Variants in TBL1X observed in about 807,000 individuals in gnomAD.
TBL1X encodes transducin beta like 1 X-linked.
In TBL1X, 10 loss-of-function variants were observed where a neutral mutation model predicts 50.7. That is an observed-to-expected ratio of 0.20 (90% CI 0.12 to 0.33). The LOEUF (loss-of-function observed/expected upper bound fraction) is 0.33. Ranked by LOEUF, TBL1X falls within the 10% of genes least tolerant of loss-of-function variation. TBL1X has a pLI of 1.00. For missense variants in TBL1X, 340 were observed against 504.4 expected (o/e 0.67, Z 3.12); for synonymous variants, 190 against 214.7 (o/e 0.88, Z 1.01).
rs190698888 is a variant in TBL1X, at chrX:9,666,511, T to A, written c.211+12189T>A. Among the ~76,000 whole-genome samples, 265 of 112,206 alleles carry A rather than the reference T, an allele frequency of 2.4e-3. 2 individuals are homozygous for A. Among genetic ancestry groups the A allele is most frequent in the African/African-American group, 8.1e-3 (251 of 30,865 alleles). ...TCTAATCTTTGAAAAATAAAGGCAA[T>A]TTAAAATATTATTGGTAAAGTAAAA... On this transcript the variant is annotated intron_variant, in intron 5 of 17. Coordinates refer to ENST00000645353, the MANE Select transcript of TBL1X (RefSeq NM_005647.4).
chrX:9,482,998 G>A (rs1273902443), intron 1 of TBL1X, among the ~76,000 whole-genome samples: 6 of 111,185 alleles, frequency 5.4e-5, no homozygotes, highest in Non-Finnish European at 1.1e-4. Flanking sequence ...CCCCTCAGGC[G>A]GTTACAGTTT....
intron 2 of TBL1X, among the ~76,000 whole-genome samples, chrX:9,531,705 G>T (rs1308074693): frequency 1.8e-5 from 2 of 109,041 alleles, no homozygotes; most frequent in Non-Finnish European, 3.8e-5. Flanking sequence ...AGGAGTTCGA[G>T]ACCAGCCTGG....
At chrX:9,475,471 C>A (rs945824439) in intron 1 of TBL1X, among the ~76,000 whole-genome samples, 1 of 109,991 alleles carries the variant, frequency 9.1e-6, no homozygotes, top group Non-Finnish European at 1.9e-5. Flanking sequence ...GTTTCGAACT[C>A]CTGACCTCAA....
At chrX:9,621,510 C>T (rs1411790358) in intron 2 of TBL1X, among the ~76,000 whole-genome samples, 1 of 111,737 alleles carries the variant, frequency 8.9e-6, no homozygotes, top group Non-Finnish European at 1.9e-5. Context: ...AGGAATTTTG[C>T]TTAACTTCTA....
chrX:9,474,285 AG>A (rs1457745033), intron 1 of TBL1X, among the ~76,000 whole-genome samples: 1 of 113,120 alleles, frequency 8.8e-6, no homozygotes, highest in Non-Finnish European at 1.9e-5. Flanking sequence ...ATATGATGAA[AG>A]AAACATTTAT....
intron 2 of TBL1X, among the ~76,000 whole-genome samples, chrX:9,527,610 CT>C (rs978884635): frequency 5.4e-5 from 6 of 111,365 alleles, no homozygotes; most frequent in African/African-American, 1.6e-4. Context: ...GTCGGCAAAC[CT>C]TTTGTTGTCA....
chrX:9,499,062 G>C (rs1186239848), intron 1 of TBL1X, among the ~76,000 whole-genome samples: 1 of 111,809 alleles, frequency 8.9e-6, no homozygotes, highest in Non-Finnish European at 1.9e-5. Context: ...CCCCTGTGGA[G>C]GCGCTCATGG....
chrX:9,510,265 G>C (rs1446723352), intron 2 of TBL1X, among the ~76,000 whole-genome samples: 1 of 111,665 alleles, frequency 9.0e-6, no homozygotes, highest in African/African-American at 3.3e-5. Flanking sequence ...GGACCGTAGG[G>C]TAGACAGATT....
At chrX:9,647,531 C>T (rs191513576) in intron 3 of TBL1X, among the ~76,000 whole-genome samples, 124 of 112,119 alleles carry the variant, frequency 1.1e-3, no homozygotes, top group African/African-American at 3.8e-3. Flanking sequence ...TCTCATCCCC[C>T]TCCTGTTTGG....
chrX:9,628,247 G>T (rs760314958), intron 2 of TBL1X, among the ~76,000 whole-genome samples: 1 of 111,668 alleles, frequency 9.0e-6, no homozygotes, highest in South Asian at 3.8e-4. Context: ...ATCTGTGGGA[G>T]GTCCTTCCTG....
At chrX:9,592,709 G>A (rs922401581) in intron 2 of TBL1X, among the ~76,000 whole-genome samples, 2 of 111,908 alleles carry the variant, frequency 1.8e-5, no homozygotes, top group African/African-American at 6.5e-5. Context: ...CCATAGAAGA[G>A]GAATCATATA....
chrX:9,591,622 G>C (rs761062121), intron 2 of TBL1X, among the ~76,000 whole-genome samples: 17 of 112,038 alleles, frequency 1.5e-4, no homozygotes, highest in African/African-American at 3.2e-4. Context: ...GTGCCCAGAG[G>C]GGGGAAGAGC....
chrX:9,628,485 A>T (rs2082703916), intron 2 of TBL1X, among the ~76,000 whole-genome samples: 1 of 112,524 alleles, frequency 8.9e-6, no homozygotes, highest in Non-Finnish European at 1.9e-5. Flanking sequence ...CCAAACTGAC[A>T]AGGCTAGTCT....
At chrX:9,599,131 A>G (rs1004982252) in intron 2 of TBL1X, among the ~76,000 whole-genome samples, 2 of 109,012 alleles carry the variant, frequency 1.8e-5, no homozygotes, top group African/African-American at 6.7e-5. Context: ...TTTAGTAGAG[A>G]CGGGGTTTCA....
At chrX:9,588,899 G>C (rs893256061) in intron 2 of TBL1X, among the ~76,000 whole-genome samples, 3 of 111,059 alleles carry the variant, frequency 2.7e-5, no homozygotes, top group Non-Finnish European at 5.7e-5. Flanking sequence ...CACTGCGCCC[G>C]TCCTCATTTT....
chrX:9,542,604 G>A (rs996602539), intron 2 of TBL1X, among the ~76,000 whole-genome samples: 2 of 111,350 alleles, frequency 1.8e-5, no homozygotes, highest in African/African-American at 6.6e-5. Context: ...GACTGGAGCA[G>A]GAGCGGGCAG....
chrX:9,696,080 A>C (rs1018000007), intron 11 of TBL1X, among the ~76,000 whole-genome samples: 3 of 112,803 alleles, frequency 2.7e-5, no homozygotes, highest in Non-Finnish European at 5.6e-5. Context: ...TATATGTCAC[A>C]TTCTTCAAAT....
chrX:9,507,823 C>G (rs748920073), intron 2 of TBL1X, among the ~76,000 whole-genome samples: 1 of 111,824 alleles, frequency 8.9e-6, no homozygotes, highest in African/African-American at 3.2e-5. Flanking sequence ...ACAAATCTGC[C>G]GAAAACAAGC....
At chrX:9,614,782 G>T (rs751149984) in intron 2 of TBL1X, among the ~76,000 whole-genome samples, 1 of 111,633 alleles carries the variant, frequency 9.0e-6, no homozygotes, top group African/African-American at 3.3e-5. Flanking sequence ...CTGAAATTAA[G>T]CCCAGGGCTG....
Sources: allele counts gnomAD v4.1 joint callset (sites outside exome capture counted in the v4.1 genomes callset), GRCh38; gene constraint gnomAD v4.1.1; transcripts MANE v1.5; gene names NCBI Gene and HGNC (gene_info 2026-07-23, HGNC 2026-07-21).